Variants in SPIDR observed in about 807,000 individuals in gnomAD.
The protein encoded by SPIDR is scaffold protein involved in DNA repair, also known as DNA repair-scaffolding protein.
SPIDR carries 93 observed loss-of-function variants against 104.6 expected under a neutral mutation model. That is an observed-to-expected ratio of 0.89 (90% CI 0.75 to 1.06). SPIDR has a LOEUF of 1.06. Ranked by LOEUF, SPIDR falls within the 50% of genes least tolerant of loss-of-function variation. SPIDR has a pLI of 0.00. For missense variants in SPIDR, 1,154 were observed against 1,111.2 expected, an observed-to-expected ratio of 1.04 and a Z score of -0.55; for synonymous variants, 431 against 416.9, an observed-to-expected ratio of 1.03 and a Z score of -0.41.
At chr8:47,532,704 CTT>C (rs1468346530) in intron 8 of SPIDR, among the ~76,000 whole-genome samples, 1 of 152,196 alleles carries the variant, frequency 6.6e-6, no homozygotes, top group Admixed American at 6.5e-5. Context: ...CTTCAACACT[CTT>C]TTATAAGTAA....
At chr8:47,626,938 C>T (rs535142003) in intron 10 of SPIDR, among the ~76,000 whole-genome samples, 123 of 152,204 alleles carry the variant, frequency 8.1e-4, no homozygotes, top group Non-Finnish European at 1.2e-3. Context: ...CACATGCACA[C>T]GTATGTTTAT....
chr8:47,704,879 C>T (rs564782500), intron 14 of SPIDR, among the ~76,000 whole-genome samples: 2 of 152,280 alleles, frequency 1.3e-5, no homozygotes, highest in South Asian at 2.1e-4. Flanking sequence ...CCATACTTTC[C>T]AAGCCTGAGG....
chr8:47,373,516 GTTA>G (rs1449764114), intron 5 of SPIDR, among the ~76,000 whole-genome samples: 5 of 151,228 alleles, frequency 3.3e-5, no homozygotes, highest in East Asian at 3.9e-4. Context: ...TTTTATTTTT[GTTA>G]TTATACTTTA....
intron 7 of SPIDR, among the ~76,000 whole-genome samples, chr8:47,411,361 G>A (rs1345866710): frequency 6.6e-6 from 1 of 152,202 alleles, no homozygotes; most frequent in Non-Finnish European, 1.5e-5. Context: ...TCTAACTGGT[G>A]TGACATGGTA....
intron 14 of SPIDR, among the ~76,000 whole-genome samples, chr8:47,708,788 G>T (rs2081434927): frequency 6.6e-6 from 1 of 152,050 alleles, no homozygotes; most frequent in Non-Finnish European, 1.5e-5. Context: ...CCTTTCAGAC[G>T]GACTTCTTTC....
At chr8:47,547,050 C>A in intron 8 of SPIDR, 1 of 513,812 alleles carries the variant, frequency 1.9e-6, no homozygotes. Context: ...AGTCACCATC[C>A]ACAGGTTACC....
intron 11 of SPIDR, among the ~76,000 whole-genome samples, chr8:47,691,717 G>T (rs983449425): frequency 9.2e-5 from 14 of 152,334 alleles, no homozygotes; most frequent in African/African-American, 2.9e-4. Flanking sequence ...TCTGTCCTCT[G>T]AAGAGCCACA....
At chr8:47,555,951 TAAATA>T (rs2091275356) in intron 8 of SPIDR, among the ~76,000 whole-genome samples, 2 of 152,228 alleles carry the variant, frequency 1.3e-5, no homozygotes, top group African/African-American at 4.8e-5. Flanking sequence ...TTATGGGAAC[TAAATA>T]AAATAATAGA....
chr8:47,587,606 C>A (rs533089486), intron 8 of SPIDR, among the ~76,000 whole-genome samples: 9 of 134,582 alleles, frequency 6.7e-5, no homozygotes. Context: ...CAAGACCCTG[C>A]CTCAAAAAAA....
intron 5 of SPIDR, among the ~76,000 whole-genome samples, chr8:47,308,367 GTTTTTTT>G (rs797034732): frequency 2.6e-4 from 35 of 132,588 alleles, no homozygotes; most frequent in African/African-American, 8.0e-4. Context: ...CCGGCCTGCT[GTTTTTTT>G]TTTTTTTTTC....
intron 10 of SPIDR, among the ~76,000 whole-genome samples, chr8:47,635,214 C>CA (rs1020762902): frequency 1.5e-4 from 23 of 152,132 alleles, no homozygotes; most frequent in African/African-American, 5.5e-4. Flanking sequence ...CATGATGGCA[C>CA]ATGCCTATAA....
chr8:47,352,918 G>T (rs561133518), intron 5 of SPIDR, among the ~76,000 whole-genome samples: 1 of 151,794 alleles, frequency 6.6e-6, no homozygotes, highest in African/African-American at 2.4e-5. Context: ...GCTGGGCGTG[G>T]TGGCATGCAC....
At chr8:47,626,836 C>A (rs1262007368) in intron 10 of SPIDR, among the ~76,000 whole-genome samples, 3 of 152,136 alleles carry the variant, frequency 2.0e-5, no homozygotes, top group Non-Finnish European at 4.4e-5. Context: ...GTGGCGATTC[C>A]TCAGGGATCT....
intron 5 of SPIDR, among the ~76,000 whole-genome samples, chr8:47,333,627 A>G (rs932681520): frequency 2.0e-5 from 3 of 152,170 alleles, no homozygotes; most frequent in Admixed American, 6.6e-5. Context: ...AAATAATGAT[A>G]AAAAGTATAG....
intron 8 of SPIDR, among the ~76,000 whole-genome samples, chr8:47,488,688 A>T (rs868948731): frequency 8.5e-5 from 13 of 152,252 alleles, no homozygotes; most frequent in African/African-American, 2.4e-4. Context: ...GATGCAAGGC[A>T]GGTTCAACAT....
At chr8:47,517,220 A>C (rs759451569) in intron 8 of SPIDR, among the ~76,000 whole-genome samples, 1 of 152,100 alleles carries the variant, frequency 6.6e-6, no homozygotes, top group Non-Finnish European at 1.5e-5. Context: ...TTCTGACCTC[A>C]AGTGATCAAC....
At chr8:47,439,323 A>G (rs1218698591) in intron 7 of SPIDR, among the ~76,000 whole-genome samples, 2 of 152,166 alleles carry the variant, frequency 1.3e-5, no homozygotes, top group Admixed American at 6.5e-5. Flanking sequence ...TCTTGTATTC[A>G]TAAACTATTG....
chr8:47,329,803 G>A (rs929330898), intron 5 of SPIDR, among the ~76,000 whole-genome samples: 108 of 152,036 alleles, frequency 7.1e-4, no homozygotes, highest in African/African-American at 2.4e-3. Context: ...CTCTTCATTG[G>A]TTCCTATGGA....
intron 10 of SPIDR, among the ~76,000 whole-genome samples, chr8:47,603,111 T>C (rs1331280808): frequency 6.6e-6 from 1 of 152,074 alleles, no homozygotes; most frequent in Admixed American, 6.5e-5. Context: ...AGACTACATG[T>C]TGAATGATCA....
Sources: allele counts gnomAD v4.1 joint callset (sites outside exome capture counted in the v4.1 genomes callset), GRCh38; gene constraint gnomAD v4.1.1; transcripts MANE v1.5; gene names NCBI Gene and HGNC (gene_info 2026-07-23, HGNC 2026-07-21).